Variants in CCDC146 observed in about 807,000 individuals in gnomAD.
CCDC146 encodes coiled-coil domain-containing protein 146.
In CCDC146, 92 loss-of-function variants were observed where a neutral mutation model predicts 119.3. The observed-to-expected ratio is 0.77, with a 90% confidence interval of 0.65 to 0.92. The LOEUF (loss-of-function observed/expected upper bound fraction) is 0.92. CCDC146 is among the 40% of genes least tolerant of loss of function. The pLI, the probability that CCDC146 is intolerant of heterozygous loss-of-function variation, is 0.00. For synonymous variants in CCDC146, 372 were observed against 371.8 expected (o/e 1.00, Z -0.01); for missense variants, 1,000 against 1,103.0 (o/e 0.91, Z 1.32).
intron 2 of CCDC146, among the ~76,000 whole-genome samples, chr7:77,176,588 A>T (rs1043251609): frequency 6.6e-6 from 1 of 152,178 alleles, no homozygotes. Context: ...CTAGAGGTGT[A>T]GTAGACACGG....
At chr7:77,131,573 C>T (rs1213655961) in intron 1 of CCDC146, among the ~76,000 whole-genome samples, 4 of 151,956 alleles carry the variant, frequency 2.6e-5, no homozygotes, top group Non-Finnish European at 4.4e-5. Flanking sequence ...CAAAGATTAC[C>T]CAGGCATGGT....
At chr7:77,142,542 C>G (rs1344331101) in intron 1 of CCDC146, among the ~76,000 whole-genome samples, 1 of 151,970 alleles carries the variant, frequency 6.6e-6, no homozygotes, top group Non-Finnish European at 1.5e-5. Context: ...TTAGGTATAT[C>G]TCCTAATGCT....
intron 1 of CCDC146, among the ~76,000 whole-genome samples, chr7:77,130,173 A>G (rs921882799): frequency 2.0e-5 from 3 of 152,074 alleles, no homozygotes; most frequent in Admixed American, 1.3e-4. Context: ...GGAGAAGACA[A>G]TTTTGTACTA....
At chr7:77,189,072 C>A (rs1321095056) in intron 2 of CCDC146, among the ~76,000 whole-genome samples, 3 of 152,104 alleles carry the variant, frequency 2.0e-5, no homozygotes, top group African/African-American at 7.2e-5. Context: ...TATTTCTGAG[C>A]CCTAGATGTC....
Position 77,161,140 on chromosome 7 carries a change from G to C in CCDC146, c.-11-6518G>C, listed in dbSNP as rs1791254624. 3.9e-5 allele frequency among the ~76,000 whole-genome samples: 6 copies of C among 152,136 alleles called. No individual in the cohort carries two copies. The South Asian group carries it at 1.2e-3, about 32-fold the overall frequency. On this transcript the variant is annotated intron_variant, in intron 1 of 18. Transcript: ENST00000285871. ...ATCATTAAAAAGTCAGGAAACAACAGGTGCTGGAGAGGATGTGTAGAAATA... is the reference window on the plus strand; with the variant it reads ...ATCATTAAAAAGTCAGGAAACAACACGTGCTGGAGAGGATGTGTAGAAATA...
At chr7:77,276,704 C>G (rs533508307) in intron 11 of CCDC146, among the ~76,000 whole-genome samples, 1 of 152,260 alleles carries the variant, frequency 6.6e-6, no homozygotes, top group African/African-American at 2.4e-5. Context: ...AGAAAGGCAG[C>G]TTCAAAGCAC....
chr7:77,232,479 G>A (rs1446378588), intron 2 of CCDC146, among the ~76,000 whole-genome samples: 1 of 152,128 alleles, frequency 6.6e-6, no homozygotes, highest in Non-Finnish European at 1.5e-5. Flanking sequence ...AGCCTACTCT[G>A]TTAGCCCTTA....
At chr7:77,287,390 G>T (rs768544581) in intron 16 of CCDC146, 50 bp from the exon 17 acceptor site, 1 of 1,594,008 alleles carries the variant, frequency 6.3e-7, no homozygotes, top group Admixed American at 1.7e-5. Flanking sequence ...ATAAGATTTT[G>T]TCTTAGATGA....
At chr7:77,278,336 T>C (rs1307747592) in intron 11 of CCDC146, among the ~76,000 whole-genome samples, 1 of 152,208 alleles carries the variant, frequency 6.6e-6, no homozygotes, top group Non-Finnish European at 1.5e-5. Flanking sequence ...CAGTTAACAG[T>C]TTGTCTTAGC....
chr7:77,237,143 C>A, intron 3 of CCDC146, 114 bp downstream of exon 3: 2 of 820,134 alleles, frequency 2.4e-6, no homozygotes. Flanking sequence ...CAAGGATTTG[C>A]GTTCAGGGAG....
chr7:77,197,762 A>G (rs955253696), intron 2 of CCDC146, among the ~76,000 whole-genome samples: 3 of 152,200 alleles, frequency 2.0e-5, no homozygotes, highest in Non-Finnish European at 4.4e-5. Context: ...TCAATGACAC[A>G]CCAATATTCT....
In CCDC146 at chr7:77,274,917, T is replaced by A. The variant is rs62475050; in HGVS notation, c.1440+265T>A. ...CGGGGAGGGATAGCATTAGGAGATA[T>A]ACCTAATGTAAATGATGAGTTAATG... is the stretch of plus-strand genomic sequence containing the variant. On this transcript the variant is annotated intron_variant, in intron 11 of 18. Coordinates refer to ENST00000285871, the MANE Select transcript of CCDC146 (RefSeq NM_020879.3). Among the ~76,000 whole-genome samples, 72 of 152,248 alleles carry A rather than the reference T, an allele frequency of 4.7e-4. 1 individual carries two copies. The highest frequency in any genetic ancestry group is 8.8e-4 in the Non-Finnish European group (60 of 68,030).
At chr7:77,207,565 A>G (rs1792103401) in intron 2 of CCDC146, among the ~76,000 whole-genome samples, 1 of 152,242 alleles carries the variant, frequency 6.6e-6, no homozygotes, top group Non-Finnish European at 1.5e-5. Context: ...ATATATAAAT[A>G]TAGATTTAAA....
intron 1 of CCDC146, among the ~76,000 whole-genome samples, chr7:77,129,969 C>T (rs1790757888): frequency 6.6e-6 from 1 of 151,946 alleles, no homozygotes; most frequent in Non-Finnish European, 1.5e-5. Context: ...TTCAACTAAC[C>T]CTATTTTACT....
chr7:77,199,417 C>G, intron 2 of CCDC146: 1 of 1,614,168 alleles, frequency 6.2e-7, no homozygotes, highest in Non-Finnish European at 8.5e-7. Flanking sequence ...TCTGTTATCA[C>G]CAACCTCTCC....
At chr7:77,138,503 A>T (rs1418439285) in intron 1 of CCDC146, among the ~76,000 whole-genome samples, 1 of 152,196 alleles carries the variant, frequency 6.6e-6, no homozygotes, top group African/African-American at 2.4e-5. Context: ...CTCCAAAAGC[A>T]TGATCCATTA....
chr7:77,211,763 GC>G (rs1454063542), intron 2 of CCDC146, among the ~76,000 whole-genome samples: 4 of 152,006 alleles, frequency 2.6e-5, no homozygotes, highest in African/African-American at 9.7e-5. Flanking sequence ...TTACAGGCGT[GC>G]TTTTCCATGC....
intron 2 of CCDC146, among the ~76,000 whole-genome samples, chr7:77,192,576 TGGTAA>T (rs1791788168): frequency 3.3e-5 from 5 of 152,172 alleles, no homozygotes; most frequent in Non-Finnish European, 7.3e-5. Context: ...GTATAAGTAG[TGGTAA>T]AAATCATTTC....
At chr7:77,164,409 TA>T (rs956852739) in intron 1 of CCDC146, among the ~76,000 whole-genome samples, 4 of 151,924 alleles carry the variant, frequency 2.6e-5, no homozygotes, top group African/African-American at 4.8e-5. Flanking sequence ...AATGGTTATT[TA>T]AAAAAAACAC....
Sources: allele counts gnomAD v4.1 joint callset (sites outside exome capture counted in the v4.1 genomes callset), GRCh38; gene constraint gnomAD v4.1.1; transcripts MANE v1.5; gene names NCBI Gene and HGNC (gene_info 2026-07-23, HGNC 2026-07-21).